Variants in SLIT1 observed in about 807,000 individuals in gnomAD.
The protein encoded by SLIT1 is slit guidance ligand 1.
In SLIT1, 66 loss-of-function variants were observed where a neutral mutation model predicts 186.1. That is an observed-to-expected ratio of 0.35 (90% confidence interval 0.29 to 0.44). The LOEUF (loss-of-function observed/expected upper bound fraction) is 0.44, where lower values mean the gene tolerates loss of function less well. Among genes scored for constraint, SLIT1 ranks in the 20% least tolerant of loss-of-function variants. The probability of loss-of-function intolerance (pLI) is 1.00; values close to 1 mark genes in which losing one functional copy is unlikely to be tolerated. For synonymous variants in SLIT1, 761 were observed against 833.8 expected, an observed-to-expected ratio of 0.91 and a Z score of 1.50; for missense variants, 1,638 against 2,037.4, an observed-to-expected ratio of 0.80 and a Z score of 3.77.
At chr10:97,055,980 T>C (rs1021029578) in intron 13 of SLIT1, among the ~76,000 whole-genome samples, 25 of 152,322 alleles carry the variant, frequency 1.6e-4, no homozygotes, top group Admixed American at 1.2e-3. Flanking sequence ...TCAATATTAT[T>C]GTTAGCTAAA....
intron 4 of SLIT1, among the ~76,000 whole-genome samples, chr10:97,112,020 C>T (rs1564678858): frequency 6.6e-6 from 1 of 152,220 alleles, no homozygotes; most frequent in African/African-American, 2.4e-5. Flanking sequence ...CCCCTTCCCA[C>T]TCACACCCGC....
chr10:97,135,481 A>T (rs1849693442), intron 4 of SLIT1, among the ~76,000 whole-genome samples: 1 of 152,156 alleles, frequency 6.6e-6, no homozygotes, highest in South Asian at 2.1e-4. Context: ...ACAAGCAGAA[A>T]TCCACAAAAA....
At chr10:97,050,899 A>G (rs1848780396) in intron 13 of SLIT1, among the ~76,000 whole-genome samples, 1 of 152,258 alleles carries the variant, frequency 6.6e-6, no homozygotes, top group Non-Finnish European at 1.5e-5. Flanking sequence ...TGGCTTCTGT[A>G]CAAACTTTAG....
Position 97,004,558 on chromosome 10 carries a change from T to G in SLIT1, c.3710+135A>C. 1 of 1,058,662 alleles carries G rather than the reference T, an allele frequency of 9.4e-7. No individual in the cohort carries two copies. The highest frequency in any genetic ancestry group is 1.4e-6 in the Non-Finnish European group (1 of 709,740). The allele number at this position is 1,058,662 out of a possible 1,614,324, so 65.6% of individuals were successfully genotyped here. On this transcript the variant is annotated intron_variant, in intron 33 of 36. Transcript: ENST00000266058. This position sits in a 1 kb window ranked among gnomAD's most constrained non-coding sequence, Gnocchi z 5.1. Reference sequence around the variant, plus strand: ...AGCCCCAAGCTGGGGCTAACCCAGATGGTTCAAGTGTCCTTCAAACTCAGG... The same window carrying G: ...AGCCCCAAGCTGGGGCTAACCCAGAGGGTTCAAGTGTCCTTCAAACTCAGG...
rs144394392 is a variant in SLIT1 at position 97,106,218 on chromosome 10, T to C, written c.414-40132A>G. Among the ~76,000 whole-genome samples, 270 of 152,300 alleles carry C rather than the reference T, an allele frequency of 1.8e-3. 1 individual carries two copies. Among genetic ancestry groups the C allele is most frequent in the South Asian group, 4.6e-3 (22 of 4,824 alleles). On this transcript the variant is annotated intron_variant, in intron 4 of 36. Transcript: ENST00000266058. ...AAACAGAATCCCATCAAAGCCATTA[T>C]GATGGTGTGAGACTTTTGAGGCAGA... is the stretch of plus-strand genomic sequence containing the variant.
At chr10:97,030,000 G>A (rs1347704290) in intron 25 of SLIT1, among the ~76,000 whole-genome samples, 2 of 152,218 alleles carry the variant, frequency 1.3e-5, no homozygotes, top group Non-Finnish European at 2.9e-5. Flanking sequence ...TTGTATGTAT[G>A]TAGTACGTTT....
At chr10:97,046,489 G>T (rs1197510448) in intron 18 of SLIT1, among the ~76,000 whole-genome samples, 165 bp downstream of exon 18, 2 of 152,212 alleles carry the variant, frequency 1.3e-5, no homozygotes, top group African/African-American at 4.8e-5. Context: ...CCATAGAGTT[G>T]CCAACTTGAT....
intron 3 of SLIT1, 77 bp from the exon 4 acceptor site, chr10:97,157,966 G>A (rs74152143): frequency 9.3e-7 from 1 of 1,075,370 alleles, no homozygotes; most frequent in African/African-American, 1.5e-5. Flanking sequence ...GCACAAGATG[G>A]ATTCAGAGGC....
rs542672595 is a variant in SLIT1 at position 97,100,736 on chromosome 10, C to T, written c.414-34650G>A. On this transcript the variant is annotated intron_variant, in intron 4 of 36. Coordinates refer to ENST00000266058, the MANE Select transcript of SLIT1 (RefSeq NM_003061.3). ...TCAGTTCATTTTCATTAGCATCACA[C>T]ATCGGCAATTTTAAGGCATGTCAGT... is the stretch of plus-strand genomic sequence containing the variant. Among the ~76,000 whole-genome samples the T allele has an allele frequency of 2.6e-5, 4 of 152,276 alleles. No homozygotes were observed. The East Asian group carries it at 7.7e-4, about 29-fold the overall frequency.
Position 97,164,908 on chromosome 10 carries a change from G to T in SLIT1, c.198-18C>A. On this transcript the variant is annotated intron_variant, in intron 1 of 36. Coordinates refer to ENST00000266058, the MANE Select transcript of SLIT1 (RefSeq NM_003061.3). ...TGAGTTCCCTGGAGGAAGAAGGAGAGAAGGAAGCAGTGGGGTGAGCAGGGT... is the reference window on the plus strand; with the variant it reads ...TGAGTTCCCTGGAGGAAGAAGGAGATAAGGAAGCAGTGGGGTGAGCAGGGT... 1 of 1,603,080 alleles carries T rather than the reference G, an allele frequency of 6.2e-7. No homozygotes were observed. The highest frequency in any genetic ancestry group is 1.1e-5 in the South Asian group (1 of 90,868).
At chr10:97,007,334 G>T (rs539251003) in intron 31 of SLIT1, among the ~76,000 whole-genome samples, 1 of 152,116 alleles carries the variant, frequency 6.6e-6, no homozygotes, top group Admixed American at 6.5e-5. Flanking sequence ...AGGCCCAGAT[G>T]GTTTAACTGG....
Position 97,184,018 on chromosome 10 carries a change from CCACACA to C in SLIT1, c.197+1454_197+1459del, listed in dbSNP as rs36000443. ...ATTCACACACACACATACACATGCA[CCACACA>C]CACACACACACACACACACACACAC... On this transcript the variant is annotated intron_variant, in intron 1 of 36. Transcript: ENST00000266058. The surrounding 1 kb of genome is among the most constrained non-coding windows in gnomAD (Gnocchi z 4.4). Among the ~76,000 whole-genome samples the C allele has an allele frequency of 0.051, 7,282 of 142,502 alleles. 282 individuals are homozygous for C. The highest frequency in any genetic ancestry group is 0.21 in the East Asian group (983 of 4,768). The allele number at this position is 142,502 out of a possible 152,430, so 93.5% of individuals were successfully genotyped here.
At chr10:97,033,860 A>AT (rs36010222) in intron 23 of SLIT1, among the ~76,000 whole-genome samples, 25,907 of 125,226 alleles carry the variant, frequency 0.21, 3,458 homozygotes, top group African/African-American at 0.36. Context: ...GCACTGTTCT[A>AT]TTTTTTTTTT....
At chr10:97,036,218 C>A (rs936235431) in intron 22 of SLIT1, among the ~76,000 whole-genome samples, 1 of 152,182 alleles carries the variant, frequency 6.6e-6, no homozygotes. Flanking sequence ...TTTGGAGATA[C>A]ATTTAAGTGC....
rs371288744 is a variant in SLIT1 at position 97,022,798 on chromosome 10, C to T, written c.2583-1385G>A. Reference sequence around the variant, plus strand: ...CAGTCACAGGGTCACCATGCTCAGGCGTGTAGCCTTCCAGGCCTTTCCCAC... The same window carrying T: ...CAGTCACAGGGTCACCATGCTCAGGTGTGTAGCCTTCCAGGCCTTTCCCAC... On this transcript the variant is annotated intron_variant, in intron 25 of 36. Transcript: ENST00000266058. The surrounding 1 kb of genome is among the most constrained non-coding windows in gnomAD (Gnocchi z 4.2). Among the ~76,000 whole-genome samples the T allele has an allele frequency of 2.0e-4, 31 of 152,354 alleles. 1 individual carries two copies. Among genetic ancestry groups the T allele is most frequent in the African/African-American group, 6.5e-4 (27 of 41,576 alleles).
At chr10:97,112,425 A>T (rs1159568333) in intron 4 of SLIT1, among the ~76,000 whole-genome samples, 1 of 152,164 alleles carries the variant, frequency 6.6e-6, no homozygotes, top group Non-Finnish European at 1.5e-5. Flanking sequence ...AGCATGCTAT[A>T]AATAAATGTG....
chr10:97,152,697 C>A (rs550678421), intron 4 of SLIT1, among the ~76,000 whole-genome samples: 1 of 152,322 alleles, frequency 6.6e-6, no homozygotes, highest in African/African-American at 2.4e-5. Flanking sequence ...GTAAACGTAA[C>A]ACATGCTTCT....
Position 97,184,018 on chromosome 10 carries a change from CCACACACACACA to C in SLIT1, c.197+1448_197+1459del, listed in dbSNP as rs36000443. Among the ~76,000 whole-genome samples, 245 of 142,586 alleles carry C rather than the reference CCACACACACACA, an allele frequency of 1.7e-3. No individual in the cohort carries two copies. The highest frequency in any genetic ancestry group is 0.017 in the East Asian group (80 of 4,768). 93.5% of individuals were successfully genotyped at this position (142,586 alleles called of 152,430 possible). A position where few individuals can be genotyped will look rare whatever the true frequency, so the allele number is the denominator to read the frequency against. The stretch of plus-strand genomic sequence containing the variant: ...ATTCACACACACACATACACATGCA[CCACACACACACA>C]CACACACACACACACACACACACAC... On this transcript the variant is annotated intron_variant, in intron 1 of 36. Transcript: ENST00000266058. This position sits in a 1 kb window ranked among gnomAD's most constrained non-coding sequence, Gnocchi z 4.4.
At chr10:97,016,809 T>C (rs921745952) in intron 28 of SLIT1, among the ~76,000 whole-genome samples, 4 of 152,200 alleles carry the variant, frequency 2.6e-5, no homozygotes, top group Admixed American at 6.5e-5. Flanking sequence ...TTTTAGAATG[T>C]ATCTGGGGAG....
Sources: allele counts gnomAD v4.1 joint callset (sites outside exome capture counted in the v4.1 genomes callset), GRCh38; gene constraint gnomAD v4.1.1; non-coding constraint Gnocchi (gnomAD v3.1); transcripts MANE v1.5; gene names NCBI Gene and HGNC (gene_info 2026-07-23, HGNC 2026-07-21).